CTNNA3: variants seen among roughly 807,000 people sequenced by gnomAD.
The protein encoded by CTNNA3 is catenin alpha-3.
A neutral mutation model predicts 95.7 loss-of-function variants in CTNNA3; 76 were observed. That is an observed-to-expected ratio of 0.79 (90% CI 0.66 to 0.96). The LOEUF is 0.96. Among genes scored for constraint, CTNNA3 ranks in the 40% least tolerant of loss-of-function variants. The pLI is 0.00. For missense variants in CTNNA3, 1,191 were observed against 1,089.8 expected (o/e 1.09, Z -1.31); for synonymous variants, 431 against 374.4 (o/e 1.15, Z -1.74).
intron 2 of CTNNA3, among the ~76,000 whole-genome samples, chr10:67,619,504 A>C (rs79765997): frequency 6.6e-6 from 1 of 152,202 alleles, no homozygotes; most frequent in Non-Finnish European, 1.5e-5. Context: ...ACCAAAAATT[A>C]TGAAACTAGT....
chr10:66,887,803 C>T (rs1186089201), intron 7 of CTNNA3, among the ~76,000 whole-genome samples: 1 of 152,078 alleles, frequency 6.6e-6, no homozygotes, highest in East Asian at 1.9e-4. Flanking sequence ...AGGAGGAAGG[C>T]CCAGGAAATG....
intron 5 of CTNNA3, among the ~76,000 whole-genome samples, chr10:67,362,878 T>A (rs2132674950): frequency 6.6e-6 from 1 of 151,790 alleles, no homozygotes; most frequent in African/African-American, 2.4e-5. Flanking sequence ...TGCCAAAAGG[T>A]TTCTAGAACA....
intron 17 of CTNNA3, among the ~76,000 whole-genome samples, chr10:65,929,533 C>T (rs950215855): frequency 5.7e-4 from 86 of 151,832 alleles, no homozygotes; most frequent in African/African-American, 1.7e-3. Flanking sequence ...TATACACATA[C>T]CCATGCACAT....
At chr10:67,532,321 G>T (rs1195129690) in intron 4 of CTNNA3, among the ~76,000 whole-genome samples, 1 of 152,006 alleles carries the variant, frequency 6.6e-6, no homozygotes, top group African/African-American at 2.4e-5. Context: ...TCTTTTTGTT[G>T]GTACACATCT....
Position 66,325,148 on chromosome 10 carries a change from C to T in CTNNA3, c.1733-44527G>A, listed in dbSNP as rs147195950. Among the ~76,000 whole-genome samples the T allele has an allele frequency of 6.0e-3, 905 of 151,998 alleles. 12 individuals are homozygous for T. Among genetic ancestry groups the T allele is most frequent in the African/African-American group, 0.021 (863 of 41,452 alleles). On this transcript the variant is annotated intron_variant, in intron 12 of 17. Coordinates refer to ENST00000433211, the MANE Select transcript of CTNNA3 (RefSeq NM_013266.4). ...AAACATTAAAATAAGAATAGGCACACGAAAGGCAGGAGTGCAAATACACTT... is the reference window on the plus strand; with the variant it reads ...AAACATTAAAATAAGAATAGGCACATGAAAGGCAGGAGTGCAAATACACTT...
chr10:66,271,174 A>G (rs1435101213), intron 13 of CTNNA3, among the ~76,000 whole-genome samples: 2 of 152,154 alleles, frequency 1.3e-5, no homozygotes, highest in African/African-American at 4.8e-5. Context: ...ATCAGACTCC[A>G]GAATATTTTT....
At chr10:66,859,823 A>C (rs998829462) in intron 7 of CTNNA3, among the ~76,000 whole-genome samples, 33 of 130,078 alleles carry the variant, frequency 2.5e-4, no homozygotes, top group Non-Finnish European at 4.9e-4. Context: ...ACACCATGGA[A>C]TACTATGCAG....
chr10:66,800,301 A>G (rs1208366467), intron 7 of CTNNA3, among the ~76,000 whole-genome samples: 1 of 151,390 alleles, frequency 6.6e-6, no homozygotes, highest in Non-Finnish European at 1.5e-5. Flanking sequence ...CTTTTGATAA[A>G]TTAATATCAA....
intron 13 of CTNNA3, among the ~76,000 whole-genome samples, chr10:66,265,986 AG>A (rs1278193951): frequency 6.6e-6 from 1 of 151,794 alleles, no homozygotes; most frequent in African/African-American, 2.4e-5. Flanking sequence ...CAACAAAATA[AG>A]TGAATAAAAA....
At chr10:66,637,948 A>G (rs1223744350) in intron 9 of CTNNA3, among the ~76,000 whole-genome samples, 1 of 152,066 alleles carries the variant, frequency 6.6e-6, no homozygotes, top group East Asian at 1.9e-4. Context: ...TAAAACCACA[A>G]CCATGGCTGG....
intron 17 of CTNNA3, among the ~76,000 whole-genome samples, chr10:65,931,945 C>A (rs1051328023): frequency 6.6e-6 from 1 of 152,126 alleles, no homozygotes; most frequent in Non-Finnish European, 1.5e-5. Flanking sequence ...AATTCAGCAA[C>A]CAGGAGAAGC....
chr10:66,498,695 G>T (rs1231780438), intron 11 of CTNNA3, among the ~76,000 whole-genome samples: 2 of 152,078 alleles, frequency 1.3e-5, no homozygotes, highest in African/African-American at 4.8e-5. Flanking sequence ...CTTTTACATT[G>T]GTGAAAGGTG....
At chr10:66,878,737 A>G (rs1333291139) in intron 7 of CTNNA3, among the ~76,000 whole-genome samples, 1 of 152,034 alleles carries the variant, frequency 6.6e-6, no homozygotes, top group Non-Finnish European at 1.5e-5. Flanking sequence ...CCAACACCCT[A>G]CTGGACCAGT....
chr10:66,904,119 C>A (rs1468963478), intron 7 of CTNNA3, among the ~76,000 whole-genome samples: 1 of 152,160 alleles, frequency 6.6e-6, no homozygotes, highest in African/African-American at 2.4e-5. Flanking sequence ...TGACTTCAAA[C>A]TATACTACAA....
intron 5 of CTNNA3, among the ~76,000 whole-genome samples, chr10:67,308,666 G>T (rs1209170980): frequency 3.3e-5 from 5 of 152,114 alleles, no homozygotes; most frequent in Non-Finnish European, 7.4e-5. Flanking sequence ...CATTTAAGAG[G>T]ACTGAGCATA....
intron 10 of CTNNA3, among the ~76,000 whole-genome samples, chr10:66,620,248 A>C (rs1284434854): frequency 6.6e-6 from 1 of 152,138 alleles, no homozygotes; most frequent in East Asian, 1.9e-4. Flanking sequence ...GTTTACCTTA[A>C]AGTTCTTCAA....
intron 2 of CTNNA3, among the ~76,000 whole-genome samples, chr10:67,642,747 C>T (rs928831537): frequency 2.6e-5 from 4 of 151,752 alleles, no homozygotes; most frequent in East Asian, 1.9e-4. Flanking sequence ...CACTGATCAT[C>T]GGAGAAATGC....
chr10:66,994,270 GC>G (rs1453481615), intron 7 of CTNNA3, among the ~76,000 whole-genome samples: 1 of 152,162 alleles, frequency 6.6e-6, no homozygotes, highest in Admixed American at 6.5e-5. Context: ...TGCTCTCCAA[GC>G]TTTATACGGA....
chr10:67,400,115 C>T (rs2132803357), intron 5 of CTNNA3, among the ~76,000 whole-genome samples: 1 of 150,372 alleles, frequency 6.7e-6, no homozygotes, highest in South Asian at 2.1e-4. Context: ...GTTCCCCTTC[C>T]TATGTCCATG....
Sources: gnomAD v4.1 joint callset for allele counts (sites outside exome capture counted in the v4.1 genomes callset) on GRCh38, gnomAD v4.1.1 for gene constraint, MANE v1.5 for transcripts, NCBI Gene and HGNC (gene_info 2026-07-23, HGNC 2026-07-21) for gene names.